The following TRMT11 variants were observed in gnomAD, a reference collection of about 807,000 sequenced individuals.
TRMT11 encodes the protein tRNA (guanine(10)-N(2))-methyltransferase TRMT11.
TRMT11 carries 53 observed loss-of-function variants against 62.8 expected under a neutral mutation model. That is an observed-to-expected ratio of 0.84 (90% CI 0.68 to 1.06). The LOEUF (loss-of-function observed/expected upper bound fraction) is 1.06. Among genes scored for constraint, TRMT11 ranks in the 50% least tolerant of loss-of-function variants. The probability of loss-of-function intolerance (pLI) is 0.00; values close to 1 mark genes in which losing one functional copy is unlikely to be tolerated. For synonymous variants in TRMT11, 188 were observed against 190.3 expected (o/e 0.99, Z 0.10); for missense variants, 556 against 553.4 (o/e 1.00, Z -0.05).
At chr6:126,262,317 C>T in the TRMT11 span, among the ~76,000 whole-genome samples, 1 of 152,140 alleles carries the variant, frequency 6.6e-6, no homozygotes, top group South Asian at 2.1e-4. Context: ...GTGGGCAGGG[C>T]ATTGAGCTAG....
downstream of TRMT11, among the ~76,000 whole-genome samples, chr6:126,205,311 TGACCAACA>T (rs973128954): frequency 1.3e-5 from 2 of 152,184 alleles, no homozygotes; most frequent in Non-Finnish European, 2.9e-5. Context: ...AAGACCAGCC[TGACCAACA>T]TGGTGAAACC....
intron 1 of TRMT11, among the ~76,000 whole-genome samples, chr6:126,189,027 C>A (rs867521596): frequency 1.3e-5 from 2 of 151,974 alleles, no homozygotes; most frequent in Non-Finnish European, 2.9e-5. Context: ...TATAGACTCT[C>A]ATTTTATTTA....
At chr6:126,198,834 C>T (rs551952518) in exon 2 of TRMT11, 32 of 152,292 alleles carry the variant, frequency 2.1e-4, no homozygotes, top group African/African-American at 6.7e-4. Flanking sequence ...TTCAAATCAT[C>T]ATCATGGGGG....
At position 126,038,963 on chromosome 6, in the gene TRMT11, A is replaced by G; in HGVS notation, c.*127A>G. 1 of 781,816 alleles carries G rather than the reference A, an allele frequency of 1.3e-6. No individual in the cohort carries two copies. The highest frequency in any genetic ancestry group is 1.9e-6 in the Non-Finnish European group (1 of 520,574). 48.4% of individuals were successfully genotyped at this position (781,816 alleles called of 1,614,324 possible). A position where few individuals can be genotyped will look rare whatever the true frequency, so the allele number is the denominator to read the frequency against. On this transcript the variant is annotated 3_prime_UTR_variant, in exon 13 of 13. Transcript: ENST00000334379. ...AATATTTTATATAGAAAAGCTACAA[A>G]GTAAATTGAGCAATGCTTTTAAAGT...
chr6:126,018,683 A>G (rs1795348082), intron 11 of TRMT11, among the ~76,000 whole-genome samples: 1 of 151,620 alleles, frequency 6.6e-6, no homozygotes, highest in Non-Finnish European at 1.5e-5. Flanking sequence ...GGATTTGCCT[A>G]TTAAGGATGA....
At chr6:126,030,587 T>C (rs1388613471) in intron 12 of TRMT11, among the ~76,000 whole-genome samples, 1 of 152,234 alleles carries the variant, frequency 6.6e-6, no homozygotes, top group Non-Finnish European at 1.5e-5. Context: ...TCACTTATCA[T>C]AGAATAAATT....
chr6:126,152,865 G>A (rs1048494318), intron 21 of TRMT11, among the ~76,000 whole-genome samples: 3 of 152,146 alleles, frequency 2.0e-5, no homozygotes, highest in Admixed American at 2.0e-4. Context: ...TTCAAGTCCT[G>A]AAGACAGGGT....
At chr6:125,997,534 G>T (rs760323710) in intron 3 of TRMT11, among the ~76,000 whole-genome samples, 21 of 152,270 alleles carry the variant, frequency 1.4e-4, no homozygotes, top group Non-Finnish European at 2.9e-4. Context: ...GCATGACAGA[G>T]TATCACTCTG....
intron 8 of TRMT11, among the ~76,000 whole-genome samples, chr6:126,010,692 G>A (rs6920750): frequency 0.078 from 11,883 of 151,968 alleles, 1,466 homozygotes; most frequent in African/African-American, 0.26. Context: ...TCTTAAGCTT[G>A]TTTTTCTTCC....
intron 7 of TRMT11, among the ~76,000 whole-genome samples, chr6:126,006,499 G>A (rs1193894833): frequency 6.6e-6 from 1 of 151,786 alleles, no homozygotes; most frequent in East Asian, 1.9e-4. Flanking sequence ...TTGAAACACC[G>A]AGTTGCTAGC....
chr6:126,194,647 A>G, intron 1 of TRMT11, among the ~76,000 whole-genome samples: 1 of 152,214 alleles, frequency 6.6e-6, no homozygotes, highest in East Asian at 1.9e-4. Flanking sequence ...GGCATTAACT[A>G]GGCAACTTTT....
At chr6:126,038,144 T>C (rs1775519524) in intron 12 of TRMT11, among the ~76,000 whole-genome samples, 1 of 152,064 alleles carries the variant, frequency 6.6e-6, no homozygotes, top group Admixed American at 6.6e-5. Flanking sequence ...TCTACAAGTA[T>C]GGAAATCTCT....
At chr6:126,025,989 C>A (rs1471837073) in intron 12 of TRMT11, among the ~76,000 whole-genome samples, 1 of 152,152 alleles carries the variant, frequency 6.6e-6, no homozygotes, top group South Asian at 2.1e-4. Context: ...AGTTTTCAGA[C>A]TTGCTTATGG....
At chr6:126,269,090 C>T in the TRMT11 span, among the ~76,000 whole-genome samples, 3 of 150,508 alleles carry the variant, frequency 2.0e-5, no homozygotes, top group Non-Finnish European at 4.4e-5. Flanking sequence ...GGTGAAACCC[C>T]GTCTCTACTA....
intron 18 of TRMT11, among the ~76,000 whole-genome samples, chr6:126,114,010 C>T (rs1037150085): frequency 6.6e-6 from 1 of 151,992 alleles, no homozygotes; most frequent in Non-Finnish European, 1.5e-5. Context: ...AATAGTGGGT[C>T]ATGAAATCAA....
At chr6:126,046,307 T>C (rs532640280) in intron 16 of TRMT11, among the ~76,000 whole-genome samples, 2 of 152,304 alleles carry the variant, frequency 1.3e-5, no homozygotes, top group South Asian at 4.2e-4. Flanking sequence ...CTGAAGACCA[T>C]GTGTCCATGG....
chr6:126,119,362 G>A (rs777948593), intron 21 of TRMT11, among the ~76,000 whole-genome samples: 10 of 151,880 alleles, frequency 6.6e-5, no homozygotes, highest in Non-Finnish European at 1.5e-4. Context: ...TATCACTCCT[G>A]TGGATGAAAC....
intron 21 of TRMT11, among the ~76,000 whole-genome samples, chr6:126,145,020 A>G (rs1244478990): frequency 1.3e-5 from 2 of 152,218 alleles, no homozygotes; most frequent in Non-Finnish European, 2.9e-5. Flanking sequence ...AAAGACTGCC[A>G]GTGAAAGTTT....
At chr6:126,144,383 C>A (rs1299957290) in intron 21 of TRMT11, among the ~76,000 whole-genome samples, 3 of 152,136 alleles carry the variant, frequency 2.0e-5, no homozygotes, top group Non-Finnish European at 4.4e-5. Flanking sequence ...GTAACCCAGG[C>A]TCCGTGTTCC....
Sources: gnomAD v4.1 joint callset for allele counts (sites outside exome capture counted in the v4.1 genomes callset) on GRCh38, gnomAD v4.1.1 for gene constraint, MANE v1.5 for transcripts, NCBI Gene and HGNC (gene_info 2026-07-23, HGNC 2026-07-21) for gene names.